Variants in PIK3CD observed in about 807,000 individuals in gnomAD.
PIK3CD encodes phosphatidylinositol-4,5-bisphosphate 3-kinase catalytic subunit delta.
In PIK3CD, 20 loss-of-function variants were observed where a neutral mutation model predicts 122.9. The ratio of observed to expected loss-of-function variants is 0.16; its 90% CI spans 0.11 to 0.24. The LOEUF is 0.24. PIK3CD is among the 10% of genes least tolerant of loss of function. The pLI is 1.00. For missense variants in PIK3CD, 787 were observed against 1,406.3 expected (o/e 0.56, Z 7.04); for synonymous variants, 596 against 593.4 (o/e 1.00, Z -0.06).
In PIK3CD at chr1:9,723,866, A is replaced by C; in HGVS notation, c.2595-103A>C. 9.4e-7 allele frequency: 1 copy of C among 1,059,992 alleles called. No individual in the cohort carries two copies. The highest frequency in any genetic ancestry group is 1.4e-6 in the Non-Finnish European group (1 of 694,006). The allele number at this position is 1,059,992 out of a possible 1,614,324, so 65.7% of individuals were successfully genotyped here. A position where few individuals can be genotyped will look rare whatever the true frequency, so the allele number is the denominator to read the frequency against. On this transcript the variant is annotated intron_variant, in intron 20 of 23. Coordinates refer to ENST00000377346, the MANE Select transcript of PIK3CD (RefSeq NM_005026.5). This position sits in a 1 kb window ranked among gnomAD's most constrained non-coding sequence, Gnocchi z 4.9. Reference sequence around the variant, plus strand: ...TCCTCCATGTTCTGTTGGTCAAAGCAAGTCACAGGGCCAGATTCAAGGGGA... The same window carrying C: ...TCCTCCATGTTCTGTTGGTCAAAGCCAGTCACAGGGCCAGATTCAAGGGGA...
chr1:9,651,936 C>G (rs1334260528), intron 1 of PIK3CD, 134 bp downstream of exon 1: 1 of 152,016 alleles, frequency 6.6e-6, no homozygotes, highest in Non-Finnish European at 1.5e-5. Flanking sequence ...GCCCGTGCGC[C>G]CTGGCCCTGG....
chr1:9,687,730 C>T (rs1012736965), intron 1 of PIK3CD, among the ~76,000 whole-genome samples: 2 of 152,140 alleles, frequency 1.3e-5, no homozygotes, highest in African/African-American at 4.8e-5. Context: ...TGAGCACGAG[C>T]GTCTGTGGTC....
intron 2 of PIK3CD, among the ~76,000 whole-genome samples, chr1:9,701,204 C>A (rs1646614086): frequency 6.6e-6 from 1 of 152,084 alleles, no homozygotes; most frequent in South Asian, 2.1e-4. Context: ...TCATGCCACA[C>A]CCTCCCCTCC....
At position 9,718,994 on chromosome 1, in the gene PIK3CD, C is replaced by A. The variant is rs912257264; in HGVS notation, c.1242+79C>A. ...CCCTTGCTGGGCCACTCACCACTCT[C>A]CTCCCGGCAAGCACGCAGCCTGGGG... On this transcript the variant is annotated intron_variant, in intron 9 of 23. Coordinates refer to ENST00000377346, the MANE Select transcript of PIK3CD (RefSeq NM_005026.5). The surrounding 1 kb of genome is among the most constrained non-coding windows in gnomAD (Gnocchi z 7.2). 1 of 1,361,148 alleles carries A rather than the reference C, an allele frequency of 7.3e-7. No individual in the cohort carries two copies. Among genetic ancestry groups the A allele is most frequent in the Non-Finnish European group, 1.0e-6 (1 of 971,824 alleles). The allele number at this position is 1,361,148 out of a possible 1,614,324, so 84.3% of individuals were successfully genotyped here.
At chr1:9,678,490 A>G (rs1570172669) in intron 1 of PIK3CD, among the ~76,000 whole-genome samples, 1 of 151,982 alleles carries the variant, frequency 6.6e-6, no homozygotes, top group African/African-American at 2.4e-5. Flanking sequence ...TCTTCCACCT[A>G]CCCCAGAACC....
the PIK3CD span, among the ~76,000 whole-genome samples, chr1:9,637,511 A>C: frequency 6.6e-6 from 1 of 151,886 alleles, no homozygotes; most frequent in African/African-American, 2.4e-5. Flanking sequence ...GCAAGACCCT[A>C]TCTTAATAGA....
intron 3 of PIK3CD, among the ~76,000 whole-genome samples, chr1:9,712,398 A>G (rs891349072): frequency 6.6e-6 from 1 of 151,890 alleles, no homozygotes; most frequent in African/African-American, 2.4e-5. Context: ...CTCCTGCCTC[A>G]TCTTCCCAAG....
rs369740290 is a variant in PIK3CD at position 9,717,125 on chromosome 1, C to T, written c.930+17C>T. On this transcript the variant is annotated intron_variant, in intron 7 of 23. Transcript: ENST00000377346. The surrounding 1 kb of genome is among the most constrained non-coding windows in gnomAD (Gnocchi z 5.4). ...GCGAAGAAGGTGAGATGGCGCCTTC[C>T]GCCTCCCCTCTGAGCCACCCCTTCT... The T allele has an allele frequency of 9.3e-6, 15 of 1,613,548 alleles. No individual in the cohort carries two copies. The highest frequency in any genetic ancestry group is 2.2e-5 in the South Asian group (2 of 91,090).
At chr1:9,657,564 A>G (rs956465515) in intron 1 of PIK3CD, among the ~76,000 whole-genome samples, 2 of 150,942 alleles carry the variant, frequency 1.3e-5, no homozygotes, top group African/African-American at 4.9e-5. Flanking sequence ...TCCCCACCTC[A>G]CCCCCAACCT....
At chr1:9,693,235 A>AT in intron 2 of PIK3CD, among the ~76,000 whole-genome samples, 1 of 151,714 alleles carries the variant, frequency 6.6e-6, no homozygotes, top group East Asian at 1.9e-4. Flanking sequence ...TATTTACTTA[A>AT]TTTTTTTGAG....
intron 1 of PIK3CD, among the ~76,000 whole-genome samples, chr1:9,663,332 G>T (rs760198124): frequency 6.6e-6 from 1 of 152,142 alleles, no homozygotes; most frequent in African/African-American, 2.4e-5. Context: ...TGGCACACAG[G>T]ACAGTTCTTC....
At chr1:9,694,820 G>A (rs1646340065) in intron 2 of PIK3CD, among the ~76,000 whole-genome samples, 1 of 152,156 alleles carries the variant, frequency 6.6e-6, no homozygotes, top group Non-Finnish European at 1.5e-5. Flanking sequence ...AAACAAGCCA[G>A]GTATTGTGGC....
intron 1 of PIK3CD, among the ~76,000 whole-genome samples, chr1:9,681,844 T>G (rs1645765780): frequency 6.6e-6 from 1 of 152,180 alleles, no homozygotes. Flanking sequence ...TGAATGTAGT[T>G]TCATATGGAG....
rs757809265 is a variant in PIK3CD, at chr1:9,716,010, T to C, written c.532T>C (p.Trp178Arg). ...PLQLEPSAQT[W>R]GPGTLRLPNR... ...GCAGCTGGAGCCCTCGGCTCAAACC[T>C]GGGGGCCTGGTACCCTGCGGCTCCC... is the stretch of plus-strand genomic sequence containing the variant. The change falls in exon 5 of 24, where the codon TGG becomes CGG. Residue 178 changes from tryptophan to arginine, a missense_variant. Around this residue, in one of 6 missense-constraint regions of PIK3CD, gnomAD observed 592 missense variants for 920.6 expected, o/e 0.64. Transcript: ENST00000377346. The C allele has an allele frequency of 8.7e-6, 14 of 1,612,652 alleles. No homozygotes were observed. In the East Asian group the frequency reaches 3.1e-4, roughly 36 times the overall value.
the PIK3CD span, among the ~76,000 whole-genome samples, chr1:9,629,963 C>T: frequency 6.6e-6 from 1 of 152,186 alleles, no homozygotes; most frequent in Non-Finnish European, 1.5e-5. Flanking sequence ...GGGAAGGAAG[C>T]CCGGGGGTCA....
intron 1 of PIK3CD, among the ~76,000 whole-genome samples, chr1:9,671,403 C>T (rs1488674389): frequency 1.3e-5 from 2 of 152,118 alleles, no homozygotes; most frequent in Non-Finnish European, 2.9e-5. Context: ...CTGGCCTGTC[C>T]GGGCTGCTCT....
At chr1:9,697,161 C>T (rs1199736477) in intron 2 of PIK3CD, among the ~76,000 whole-genome samples, 1 of 151,934 alleles carries the variant, frequency 6.6e-6, no homozygotes, top group Non-Finnish European at 1.5e-5. Flanking sequence ...CACTTGAGCC[C>T]AGGAGTTCAA....
chr1:9,679,727 T>TAA (rs1645677681), intron 1 of PIK3CD, among the ~76,000 whole-genome samples: 2 of 152,206 alleles, frequency 1.3e-5, no homozygotes, highest in Non-Finnish European at 2.9e-5. Flanking sequence ...CCTCGTCATG[T>TAA]TTTAGCATAA....
At chr1:9,712,532 T>C (rs779379907) in intron 3 of PIK3CD, among the ~76,000 whole-genome samples, 1 of 152,040 alleles carries the variant, frequency 6.6e-6, no homozygotes, top group Non-Finnish European at 1.5e-5. Context: ...CTGCCCACCT[T>C]GGCCTCCCTT....
Sources: gnomAD v4.1 joint callset for allele counts (sites outside exome capture counted in the v4.1 genomes callset) on GRCh38, gnomAD v4.1.1 for gene constraint, gnomAD v4.1.1 regional missense constraint, Gnocchi (gnomAD v3.1) non-coding constraint, MANE v1.5 for transcripts, NCBI Gene and HGNC (gene_info 2026-07-23, HGNC 2026-07-21) for gene names.